CARS1: variants seen among roughly 807,000 people sequenced by gnomAD.
CARS1 encodes the protein cysteinyl-tRNA synthetase 1, also known as cysteine--tRNA ligase, cytoplasmic.
A neutral mutation model predicts 106.2 loss-of-function variants in CARS1; 48 were observed. That is an observed-to-expected ratio of 0.45 (90% confidence interval 0.36 to 0.57). The LOEUF (loss-of-function observed/expected upper bound fraction) is 0.57, where lower values mean the gene tolerates loss of function less well. Ranked by LOEUF, CARS1 falls within the 20% of genes least tolerant of loss-of-function variation. The pLI, the probability that CARS1 is intolerant of heterozygous loss-of-function variation, is 0.00. For missense variants in CARS1, 968 were observed against 1,057.2 expected (o/e 0.92, Z 1.17); for synonymous variants, 409 against 403.4 (o/e 1.01, Z -0.17).
Position 3,001,081 on chromosome 11 carries a change from C to T in CARS1, c.*33G>A, listed in dbSNP as rs1359972074. On this transcript the variant is annotated 3_prime_UTR_variant, in exon 23 of 23. Coordinates refer to ENST00000380525, the MANE Select transcript of CARS1 (RefSeq NM_001014437.3). The stretch of plus-strand genomic sequence containing the variant: ...CTGAGGCAGACAGCAGCCACTAGTC[C>T]ACAATGGTTTAAAAAGTCAGTCCTG... The T allele has an allele frequency of 6.2e-7, 1 of 1,612,020 alleles. No individual in the cohort carries two copies. Among genetic ancestry groups the T allele is most frequent in the South Asian group, 1.1e-5 (1 of 91,050 alleles).
rs1402133805 is a variant in CARS1 at position 3,030,957 on chromosome 11, CAG to C, written c.802-1516_802-1515del. The C allele has an allele frequency of 6.6e-6, 1 of 152,116 alleles. No individual in the cohort carries two copies. The highest frequency in any genetic ancestry group is 1.5e-5 in the Non-Finnish European group (1 of 68,036). 9.4% of individuals were successfully genotyped at this position (152,116 alleles called of 1,614,324 possible). A position where few individuals can be genotyped will look rare whatever the true frequency, so the allele number is the denominator to read the frequency against. ...ACTGAAGAAGTCATCCAAAATGAAA[CAG>C]AGACAAGAAGGAAAATTTTATGAAA... On this transcript the variant is annotated intron_variant, in intron 7 of 22. Coordinates refer to ENST00000380525, the MANE Select transcript of CARS1 (RefSeq NM_001014437.3). This position sits in a 1 kb window ranked among gnomAD's most constrained non-coding sequence, Gnocchi z 5.7.
At chr11:3,023,904 T>G (rs1299349746) in intron 10 of CARS1, among the ~76,000 whole-genome samples, 2 of 152,208 alleles carry the variant, frequency 1.3e-5, no homozygotes, top group African/African-American at 4.8e-5. Context: ...TTCCTTTTTT[T>G]TTGTTTGAGA....
chr11:3,007,280 C>T (rs1428074294), intron 18 of CARS1: 1 of 408,812 alleles, frequency 2.4e-6, no homozygotes, highest in South Asian at 3.8e-5. Flanking sequence ...AGGAAAGGGA[C>T]ACAAGTTGGG....
rs572737792 is a variant in CARS1 at position 3,044,725 on chromosome 11, A to C, written c.275-2469T>G. Among the ~76,000 whole-genome samples the C allele has an allele frequency of 1.2e-3, 184 of 152,086 alleles. 3 individuals are homozygous for C. The highest frequency in any genetic ancestry group is 2.2e-3 in the Non-Finnish European group (148 of 68,012). On this transcript the variant is annotated intron_variant, in intron 2 of 22. Coordinates refer to ENST00000380525, the MANE Select transcript of CARS1 (RefSeq NM_001014437.3). This position sits in a 1 kb window ranked among gnomAD's most constrained non-coding sequence, Gnocchi z 4.4. ...TTTTGTTTCTTTGGAAAAAATGAAC[A>C]CACATTCGTTGATTCCAGAGTCCCA...
chr11:3,002,827 C>T (rs1300335181), intron 20 of CARS1, among the ~76,000 whole-genome samples: 1 of 152,176 alleles, frequency 6.6e-6, no homozygotes, highest in African/African-American at 2.4e-5. Context: ...GGTGCCTGGC[C>T]CTGCCCTAGA....
At chr11:3,002,138 G>C in intron 21 of CARS1, 85 bp from the exon 22 acceptor site, 2 of 910,908 alleles carry the variant, frequency 2.2e-6, no homozygotes, top group South Asian at 2.7e-5. Flanking sequence ...CATACCTCCA[G>C]CCCTCAACTT....
chr11:3,009,299 T>C (rs1850218517), intron 18 of CARS1: 1 of 152,204 alleles, frequency 6.6e-6, no homozygotes, highest in African/African-American at 2.4e-5. Context: ...GCAACATGGA[T>C]AGACCTGAGG....
chr11:3,020,596 C>T lies in CARS1; in HGVS notation c.1154-264G>A, dbSNP rs1851484170. Among the ~76,000 whole-genome samples, 1 of 152,156 alleles carries T rather than the reference C, an allele frequency of 6.6e-6. No homozygotes were observed. The highest frequency in any genetic ancestry group is 2.1e-4 in the South Asian group (1 of 4,830). ...GACTTGAGGCCACATCTGGGGTCTCCGTAAGACATTCACCTTCCTGCTGCC... is the reference window on the plus strand; with the variant it reads ...GACTTGAGGCCACATCTGGGGTCTCTGTAAGACATTCACCTTCCTGCTGCC... On this transcript the variant is annotated intron_variant, in intron 10 of 22. Transcript: ENST00000380525. The surrounding 1 kb of genome is among the most constrained non-coding windows in gnomAD (Gnocchi z 4.6).
chr11:3,011,926 C>T (rs1850501672), intron 18 of CARS1, among the ~76,000 whole-genome samples: 1 of 152,254 alleles, frequency 6.6e-6, no homozygotes, highest in Non-Finnish European at 1.5e-5. Context: ...CATCATATCA[C>T]ATCCTCGGTC....
Position 3,038,125 on chromosome 11 carries a change from C to T in CARS1, c.726G>A (p.Val242=), listed in dbSNP as rs2134243664. The part of the protein sequence containing the change: ...KQMLERIQHA[V]QLATEPLEKA... Reference sequence around the variant, plus strand: ...TCTCAAGTGGCTCTGTGGCAAGCTGCACTGCGTGCTGAATCCGTTCGAGCA... The same window carrying T: ...TCTCAAGTGGCTCTGTGGCAAGCTGTACTGCGTGCTGAATCCGTTCGAGCA... The change falls in exon 7 of 23, where the codon GTG becomes GTA. Residue 242 remains valine (V), a synonymous_variant. Transcript: ENST00000380525. The surrounding 1 kb of genome is among the most constrained non-coding windows in gnomAD (Gnocchi z 4.0). The T allele has an allele frequency of 6.2e-7, 1 of 1,614,068 alleles. No individual in the cohort carries two copies.
In CARS1 at chr11:3,006,963, TAGG is replaced by T. The variant is rs1168338232; in HGVS notation, c.2069-7_2069-5del. On this transcript the variant is annotated splice_region_variant and splice_polypyrimidine_tract_variant and intron_variant, in intron 18 of 22. Coordinates refer to ENST00000380525, the MANE Select transcript of CARS1 (RefSeq NM_001014437.3). ...CTGAGCTGCAGAATCTCAGGGACTGTAGGAGAAGCAGAGCAGTTCCCTCAGACA... is the reference window on the plus strand; with the variant it reads ...CTGAGCTGCAGAATCTCAGGGACTGTAGAAGCAGAGCAGTTCCCTCAGACA... 10 of 1,612,798 alleles carry T rather than the reference TAGG, an allele frequency of 6.2e-6. No homozygotes were observed. Among genetic ancestry groups the T allele is most frequent in the African/African-American group, 2.7e-5 (2 of 74,904 alleles).
In CARS1 at chr11:3,017,916, A is replaced by G; in HGVS notation, c.1668T>C (p.Pro556=). Residue 556 remains proline (P), a synonymous_variant, in exon 15 of 23, where the codon CCT becomes CCC. Transcript: ENST00000380525. The surrounding 1 kb of genome is among the most constrained non-coding windows in gnomAD (Gnocchi z 4.9). The part of the protein sequence containing the change: ...FLNVKDILRA[P]VDITGQFEKW... ...TCTCAAACTGACCAGTGATGTCAAC[A>G]GGAGCGCGAAGGATATCTTTCACAT... The G allele has an allele frequency of 6.2e-7, 1 of 1,613,938 alleles. No individual in the cohort carries two copies. The highest frequency in any genetic ancestry group is 8.5e-7 in the Non-Finnish European group (1 of 1,179,840).
At position 3,047,805 on chromosome 11, in the gene CARS1, T is replaced by G. The variant is rs976205070; in HGVS notation, c.222A>C (p.Glu74Asp). The G allele has an allele frequency of 1.2e-5, 19 of 1,614,108 alleles. No homozygotes were observed. The highest frequency in any genetic ancestry group is 1.5e-5 in the Non-Finnish European group (18 of 1,180,006). Residue 74 changes from glutamate (E) to aspartate (D), a missense_variant, in exon 2 of 23, where the codon GAA becomes GAC. Physicochemically the swap from Glu to Asp is conservative, Grantham distance 45 (BLOSUM62 2). Coordinates refer to ENST00000380525, the MANE Select transcript of CARS1 (RefSeq NM_001014437.3). The stretch of plus-strand genomic sequence containing the variant: ...TGCCACAGGGGCTACCCAGGAGCGC[T>G]TCTATGTGCCTGAACCACCGAGCCA... ...FHVARWFRHI[E>D]ALLGSPCGKG...
intron 18 of CARS1, 28 bp downstream of exon 18, chr11:3,012,167 C>T: frequency 6.2e-7 from 1 of 1,604,506 alleles, no homozygotes; most frequent in East Asian, 2.2e-5. Flanking sequence ...GAGTGGCTCC[C>T]ACACTCTTTC....
chr11:3,047,746 TACTC>T lies in CARS1; in HGVS notation c.274+3_274+6del, dbSNP rs1564790613. On this transcript the variant is annotated splice_donor_5th_base_variant and intron_variant, in intron 2 of 22. Coordinates refer to ENST00000380525, the MANE Select transcript of CARS1 (RefSeq NM_001014437.3). ...CTAATGGCCAGGGAACCCACTCTGT[TACTC>T]ACTTGCTTGGAGCCTGCAGGGCTGG... is the stretch of plus-strand genomic sequence containing the variant. 2 of 1,605,784 alleles carry T rather than the reference TACTC, an allele frequency of 1.2e-6. No individual in the cohort carries two copies. Among genetic ancestry groups the T allele is most frequent in the Non-Finnish European group, 1.7e-6 (2 of 1,174,386 alleles).
chr11:3,039,027 G>A lies in CARS1; in HGVS notation c.651+167C>T, dbSNP rs923632473. Among the ~76,000 whole-genome samples the A allele has an allele frequency of 6.6e-6, 1 of 152,178 alleles. No individual in the cohort carries two copies. Among genetic ancestry groups the A allele is most frequent in the Non-Finnish European group, 1.5e-5 (1 of 68,032 alleles). ...TGCTGGTGACTTTGTCACAGGCCAG[G>A]GGACCTTACCTATGGAGACTTCAGC... On this transcript the variant is annotated intron_variant, in intron 6 of 22. Transcript: ENST00000380525. The surrounding 1 kb of genome is among the most constrained non-coding windows in gnomAD (Gnocchi z 5.6).
intron 1 of CARS1, among the ~76,000 whole-genome samples, chr11:3,056,343 G>A (rs1032493229): frequency 3.3e-5 from 5 of 152,180 alleles, no homozygotes; most frequent in African/African-American, 1.2e-4. Context: ...GTTTCCTTTG[G>A]AAAGGCTGCT....
rs1163374278 is a variant in CARS1, at chr11:3,021,173, A to G, written c.1154-841T>C. ...ATCACTGCAGATTTCTCTCAACAAT[A>G]CATGCAGGACCAATGGAAAAGATTA... On this transcript the variant is annotated intron_variant, in intron 10 of 22. Transcript: ENST00000380525. The surrounding 1 kb of genome is among the most constrained non-coding windows in gnomAD (Gnocchi z 5.3). Among the ~76,000 whole-genome samples the G allele has an allele frequency of 1.3e-5, 2 of 152,220 alleles. No homozygotes were observed. Among genetic ancestry groups the G allele is most frequent in the Non-Finnish European group, 2.9e-5 (2 of 68,032 alleles).
Position 3,037,919 on chromosome 11 carries a change from T to C in CARS1, c.801+131A>G. On this transcript the variant is annotated intron_variant, in intron 7 of 22. Coordinates refer to ENST00000380525, the MANE Select transcript of CARS1 (RefSeq NM_001014437.3). This position sits in a 1 kb window ranked among gnomAD's most constrained non-coding sequence, Gnocchi z 5.9. ...CGCAGAACAGGGCCGCCTGCCACAGTGGAGCTACTGGAGACACAGAGTGTC... is the reference window on the plus strand; with the variant it reads ...CGCAGAACAGGGCCGCCTGCCACAGCGGAGCTACTGGAGACACAGAGTGTC... 3.3e-6 allele frequency: 3 copies of C among 896,678 alleles called. No individual in the cohort carries two copies. Among genetic ancestry groups the C allele is most frequent in the Non-Finnish European group, 5.0e-6 (3 of 599,866 alleles). 55.5% of individuals were successfully genotyped at this position (896,678 alleles called of 1,614,324 possible).
Sources: gnomAD v4.1 joint callset for allele counts (sites outside exome capture counted in the v4.1 genomes callset) on GRCh38, gnomAD v4.1.1 for gene constraint, Gnocchi (gnomAD v3.1) non-coding constraint, MANE v1.5 for transcripts, NCBI Gene and HGNC (gene_info 2026-07-23, HGNC 2026-07-21) for gene names.